The following PDE1C variants were observed in gnomAD, a reference collection of about 807,000 sequenced individuals.
PDE1C encodes dual specificity calcium/calmodulin-dependent 3',5'-cyclic nucleotide phosphodiesterase 1C.
In PDE1C, 62 loss-of-function variants were observed where a neutral mutation model predicts 93.1. The observed-to-expected ratio is 0.67, with a 90% CI of 0.54 to 0.82. The LOEUF (loss-of-function observed/expected upper bound fraction) is 0.82. PDE1C is among the 40% of genes least tolerant of loss of function. PDE1C has a pLI of 0.00. For missense variants in PDE1C, 742 were observed against 884.6 expected (o/e 0.84, Z 2.04); for synonymous variants, 325 against 310.1 (o/e 1.05, Z -0.50).
intron 1 of PDE1C, among the ~76,000 whole-genome samples, chr7:32,262,005 A>AT (rs11325736): frequency 0.12 from 10,529 of 89,658 alleles, 872 homozygotes; most frequent in African/African-American, 0.16. Context: ...TTGCTTTGGG[A>AT]TTTTTTTTTT....
Position 31,886,540 on chromosome 7 carries a change from A to C in PDE1C, c.129-5680T>G, listed in dbSNP as rs1797897482. On this transcript the variant is annotated intron_variant, in intron 2 of 17. Transcript: ENST00000396191. ...CAGTGCCTTCTCTCAGGTAGGGAAGACAGAAAGCTAACCAGCACCCACAAT... is the reference window on the plus strand; with the variant it reads ...CAGTGCCTTCTCTCAGGTAGGGAAGCCAGAAAGCTAACCAGCACCCACAAT... Among the ~76,000 whole-genome samples the C allele has an allele frequency of 2.0e-5, 3 of 152,194 alleles. No individual in the cohort carries two copies. The South Asian group carries it at 6.2e-4, about 31-fold the overall frequency.
rs573706538 is a variant in PDE1C, at chr7:32,227,365, T to C, written c.86-17826A>G. Among the ~76,000 whole-genome samples the C allele has an allele frequency of 7.2e-5, 11 of 152,324 alleles. No individual in the cohort carries two copies. The South Asian group carries it at 2.1e-3, about 29-fold the overall frequency. On this transcript the variant is annotated intron_variant, in intron 1 of 18. Transcript: ENST00000396193. ...TGTCCCCCGTCATATGTTCTCATTG[T>C]ACCCACTTCCTTTCCTCTCTTTCCT...
intron 2 of PDE1C, among the ~76,000 whole-genome samples, chr7:32,180,612 C>T (rs888518759): frequency 6.6e-6 from 1 of 152,186 alleles, no homozygotes; most frequent in African/African-American, 2.4e-5. Context: ...CTGCCAGCAC[C>T]TTGATCTTGG....
At chr7:31,721,345 G>A in the PDE1C span, among the ~76,000 whole-genome samples, 71 of 152,310 alleles carry the variant, frequency 4.7e-4, no homozygotes, top group African/African-American at 1.7e-3. Flanking sequence ...AATGTTCTAT[G>A]TCTGTGTTGG....
chr7:32,130,809 A>T (rs2128771313), intron 3 of PDE1C, among the ~76,000 whole-genome samples: 1 of 152,104 alleles, frequency 6.6e-6, no homozygotes, highest in Admixed American at 6.6e-5. Flanking sequence ...AATCCTAAAA[A>T]ATTGTAACCT....
intron 9 of PDE1C, among the ~76,000 whole-genome samples, chr7:31,839,322 TATA>T (rs1337834681): frequency 3.3e-5 from 5 of 151,274 alleles, no homozygotes; most frequent in Admixed American, 6.6e-5. Context: ...TATTTTAAAA[TATA>T]ATAGATAATA....
At chr7:32,234,464 G>T (rs1179634141) in intron 1 of PDE1C, among the ~76,000 whole-genome samples, 1 of 151,844 alleles carries the variant, frequency 6.6e-6, no homozygotes, top group African/African-American at 2.4e-5. Context: ...ACATTGAAAA[G>T]ATAATAAAAG....
At chr7:31,637,344 G>C in the PDE1C span, among the ~76,000 whole-genome samples, 1 of 152,122 alleles carries the variant, frequency 6.6e-6, no homozygotes, top group African/African-American at 2.4e-5. Context: ...CTAGTTTACA[G>C]TCCCACCAAC....
chr7:32,326,716 T>C (rs1180401896), intron 1 of PDE1C, among the ~76,000 whole-genome samples: 1 of 151,804 alleles, frequency 6.6e-6, no homozygotes, highest in Non-Finnish European at 1.5e-5. Context: ...AGACAGAGAG[T>C]TTAGAGAACT....
At chr7:31,907,887 A>G (rs1050480114) in intron 2 of PDE1C, among the ~76,000 whole-genome samples, 2 of 152,174 alleles carry the variant, frequency 1.3e-5, no homozygotes, top group African/African-American at 4.8e-5. Context: ...ATTCAAGTCA[A>G]GAAGTATTTA....
In PDE1C at chr7:31,877,995, G is replaced by A; in HGVS notation, c.467C>T (p.Pro156Leu). The change falls in exon 5 of 18, where the codon CCA becomes CTA. Residue 156 changes from proline to leucine, a missense_variant. Physicochemically the swap from Pro to Leu is moderately conservative, Grantham distance 98. Transcript: ENST00000396191. ...CTTTAATGCCTCAATAACAGCTGGT[G>A]GATAGCTCAGTCCAACCATGTTTGA... ...RTSNMVGLSY[P>L]PAVIEALKDV... 6.2e-7 allele frequency: 1 copy of A among 1,612,650 alleles called. No homozygotes were observed. The highest frequency in any genetic ancestry group is 2.2e-5 in the East Asian group (1 of 44,772).
At chr7:32,012,796 C>T (rs1052419159) in intron 2 of PDE1C, among the ~76,000 whole-genome samples, 26 of 152,312 alleles carry the variant, frequency 1.7e-4, no homozygotes, top group Middle Eastern at 3.4e-3. Flanking sequence ...ATGCATTCCA[C>T]AGTCAAATGA....
intron 2 of PDE1C, among the ~76,000 whole-genome samples, chr7:31,916,971 T>TA (rs1025572454): frequency 1.3e-5 from 2 of 152,056 alleles, no homozygotes; most frequent in Admixed American, 1.3e-4. Flanking sequence ...AATCCTGGTG[T>TA]AAAAAATATA....
intron 1 of PDE1C, among the ~76,000 whole-genome samples, chr7:32,383,040 T>C (rs2128090696): frequency 6.6e-6 from 1 of 152,390 alleles, no homozygotes; most frequent in South Asian, 2.1e-4. Context: ...AGCAGATGTT[T>C]CTGTTCAAAA....
At chr7:32,169,079 C>A (rs1335028087) in intron 3 of PDE1C, among the ~76,000 whole-genome samples, 2 of 151,986 alleles carry the variant, frequency 1.3e-5, no homozygotes, top group Non-Finnish European at 2.9e-5. Context: ...TTTCTGATAC[C>A]AGTAGTACTG....
chr7:32,128,938 T>A (rs1563336672), intron 3 of PDE1C, among the ~76,000 whole-genome samples: 1 of 96,344 alleles, frequency 1.0e-5, no homozygotes, highest in Non-Finnish European at 2.2e-5. Context: ...TATATATATA[T>A]ATATATATAT....
At chr7:31,853,911 A>C (rs1328860865) in intron 7 of PDE1C, among the ~76,000 whole-genome samples, 1 of 143,838 alleles carries the variant, frequency 7.0e-6, no homozygotes, top group Non-Finnish European at 1.5e-5. Context: ...TTTTTAGTAG[A>C]GATGGGAGTC....
chr7:31,879,405 C>A, intron 3 of PDE1C: 1 of 480,212 alleles, frequency 2.1e-6, no homozygotes, highest in East Asian at 3.2e-5. Flanking sequence ...GTTCTCTCTA[C>A]CAGACTGGAC....
chr7:31,952,272 CAG>C (rs1807482762), intron 2 of PDE1C, among the ~76,000 whole-genome samples: 1 of 151,544 alleles, frequency 6.6e-6, no homozygotes, highest in East Asian at 1.9e-4. Context: ...TTCCTTTTGA[CAG>C]AGTCTTGCTC....
Sources: allele counts gnomAD v4.1 joint callset (sites outside exome capture counted in the v4.1 genomes callset), GRCh38; gene constraint gnomAD v4.1.1; transcripts MANE v1.5; gene names NCBI Gene and HGNC (gene_info 2026-07-23, HGNC 2026-07-21).